PIP5K1C: variants seen among roughly 807,000 people sequenced by gnomAD.
PIP5K1C encodes the protein phosphatidylinositol 4-phosphate 5-kinase type-1 gamma.
PIP5K1C carries 45 observed loss-of-function variants against 80.1 expected under a neutral mutation model. The ratio of observed to expected loss-of-function variants is 0.56; its 90% CI spans 0.44 to 0.72. The LOEUF is 0.72. Among genes scored for constraint, PIP5K1C ranks in the 30% least tolerant of loss-of-function variants. The pLI, the probability that PIP5K1C is intolerant of heterozygous loss-of-function variation, is 0.00. For missense variants in PIP5K1C, 753 were observed against 954.6 expected (o/e 0.79, Z 2.78); for synonymous variants, 498 against 420.1 (o/e 1.19, Z -2.27).
At chr19:3,651,798 C>T (rs564499727) in intron 8 of PIP5K1C, 28 bp downstream of exon 8, 49 of 1,600,274 alleles carry the variant, frequency 3.1e-5, no homozygotes, top group African/African-American at 1.5e-4. Flanking sequence ...GGAAGCGGGA[C>T]GGGTCCGGCG....
intron 16 of PIP5K1C, among the ~76,000 whole-genome samples, chr19:3,635,560 C>G (rs2033647833): frequency 6.6e-6 from 1 of 152,310 alleles, no homozygotes; most frequent in South Asian, 2.1e-4. Flanking sequence ...TGGCAGGAGC[C>G]TGTAATCCCA....
At chr19:3,642,827 G>A in intron 14 of PIP5K1C, 80 bp downstream of exon 14, 1 of 1,139,768 alleles carries the variant, frequency 8.8e-7, no homozygotes, top group Non-Finnish European at 1.3e-6. Flanking sequence ...GAGCAGAGGG[G>A]CTGGGGGGCG....
chr19:3,651,737 G>C, intron 8 of PIP5K1C, 89 bp downstream of exon 8: 1 of 1,319,372 alleles, frequency 7.6e-7, no homozygotes, highest in Admixed American at 1.7e-5. Flanking sequence ...AGCCCTCCCT[G>C]CCTGTTTTCA....
chr19:3,687,458 C>G (rs1419822711), intron 1 of PIP5K1C, among the ~76,000 whole-genome samples: 1 of 152,112 alleles, frequency 6.6e-6, no homozygotes, highest in African/African-American at 2.4e-5. Flanking sequence ...GTGCAGGGAG[C>G]GGTGAGGGCC....
chr19:3,632,812 G>T lies in PIP5K1C; in HGVS notation c.*355C>A. On this transcript the variant is annotated 3_prime_UTR_variant, in exon 18 of 18. Transcript: ENST00000335312. ...GGCAGGCACAGCAGAGAACCAAAGA[G>T]TGCAGTGGGCAGGGGCTCTTCTCCC... is the stretch of plus-strand genomic sequence containing the variant. The T allele has an allele frequency of 3.4e-6, 1 of 296,310 alleles. No homozygotes were observed. The allele number at this position is 296,310 out of a possible 1,614,324, so 18.4% of individuals were successfully genotyped here. A position where few individuals can be genotyped will look rare whatever the true frequency, so the allele number is the denominator to read the frequency against.
At chr19:3,678,985 G>GGGAGGGAT (rs1256286070) in intron 1 of PIP5K1C, among the ~76,000 whole-genome samples, 9 of 145,424 alleles carry the variant, frequency 6.2e-5, no homozygotes, top group African/African-American at 1.8e-4. Flanking sequence ...GCAAGATGGA[G>GGGAGGGAT]GGAGGGATGG....
intron 1 of PIP5K1C, among the ~76,000 whole-genome samples, chr19:3,698,612 G>A (rs1386290287): frequency 1.3e-5 from 2 of 152,164 alleles, no homozygotes; most frequent in African/African-American, 4.8e-5. Context: ...GGCATGGAGT[G>A]GGCAGAAGCC....
At chr19:3,634,586 C>T (rs2033596523) in intron 16 of PIP5K1C, among the ~76,000 whole-genome samples, 1 of 152,244 alleles carries the variant, frequency 6.6e-6, no homozygotes, top group Non-Finnish European at 1.5e-5. Flanking sequence ...AGACCCACTG[C>T]TCGTCCTTCC....
Position 3,646,074 on chromosome 19 carries a change from G to T in PIP5K1C, c.1261-16C>A. 5 of 1,582,022 alleles carry T rather than the reference G, an allele frequency of 3.2e-6. No individual in the cohort carries two copies. Among genetic ancestry groups the T allele is most frequent in the South Asian group, 1.1e-5 (1 of 90,498 alleles). On this transcript the variant is annotated splice_polypyrimidine_tract_variant and intron_variant, in intron 10 of 17. Coordinates refer to ENST00000335312, the MANE Select transcript of PIP5K1C (RefSeq NM_012398.3). ...ACACCGTGTCCTGGAAGAGAGTTGG[G>T]GGGGGTGCCCGGGGGCAGAGGGTGC... is the stretch of plus-strand genomic sequence containing the variant.
At chr19:3,695,913 G>A (rs1021762797) in intron 1 of PIP5K1C, among the ~76,000 whole-genome samples, 2 of 151,812 alleles carry the variant, frequency 1.3e-5, no homozygotes, top group Non-Finnish European at 2.9e-5. Flanking sequence ...TTTTTTAGTA[G>A]AGACAGGGGT....
intron 8 of PIP5K1C, 122 bp downstream of exon 8, chr19:3,651,704 T>C (rs1298252043): frequency 8.1e-6 from 8 of 982,808 alleles, no homozygotes; most frequent in African/African-American, 1.6e-5. Flanking sequence ...AGACTCTGTC[T>C]GTCACCCACG....
chr19:3,687,311 G>C (rs569699451), intron 1 of PIP5K1C, among the ~76,000 whole-genome samples: 1 of 152,164 alleles, frequency 6.6e-6, no homozygotes, highest in Non-Finnish European at 1.5e-5. Context: ...GCAGTGAGCC[G>C]AGACTGCGCC....
intron 13 of PIP5K1C, 93 bp downstream of exon 13, chr19:3,643,150 T>C (rs950701930): frequency 2.8e-5 from 44 of 1,583,182 alleles, no homozygotes; most frequent in Non-Finnish European, 1.1e-5. Flanking sequence ...TCCACCCACA[T>C]GCACAGCGGA....
intron 5 of PIP5K1C, among the ~76,000 whole-genome samples, chr19:3,657,736 G>A (rs1218191239): frequency 1.3e-5 from 2 of 151,068 alleles, no homozygotes; most frequent in Non-Finnish European, 2.9e-5. Context: ...GACCAGCCTG[G>A]GCAACAGAGC....
intron 3 of PIP5K1C, 132 bp from the exon 4 acceptor site, chr19:3,662,133 G>T: frequency 1.8e-6 from 2 of 1,141,102 alleles, no homozygotes; most frequent in Non-Finnish European, 2.5e-6. Flanking sequence ...CCCTCCTGGT[G>T]GTCCCCGGGG....
chr19:3,648,530 GGGCGCCCACCTGTGGGGCTGCAGACCC>G lies in PIP5K1C; in HGVS notation c.1211+68_1211+94del. ...CGCCCACCTGTGGGGCTGCAGACCC[GGGCGCCCACCTGTGGGGCTGCAGACCC>G]GGGCGCCCACCTGTGGGACTGCAGA... On this transcript the variant is annotated intron_variant, in intron 9 of 17. Coordinates refer to ENST00000335312, the MANE Select transcript of PIP5K1C (RefSeq NM_012398.3). This position sits in a 1 kb window ranked among gnomAD's most constrained non-coding sequence, Gnocchi z 4.3. The G allele has an allele frequency of 2.1e-5, 8 of 373,418 alleles. No individual in the cohort carries two copies. The highest frequency in any genetic ancestry group is 1.9e-4 in the South Asian group (7 of 36,914). The allele number at this position is 373,418 out of a possible 1,614,324, so 23.1% of individuals were successfully genotyped here.
At chr19:3,687,607 GCA>G (rs1168182113) in intron 1 of PIP5K1C, among the ~76,000 whole-genome samples, 1 of 150,990 alleles carries the variant, frequency 6.6e-6, no homozygotes, top group Non-Finnish European at 1.5e-5. Context: ...ATGCATACAC[GCA>G]CACACACGCA....
At chr19:3,675,107 C>T (rs1356298385) in intron 1 of PIP5K1C, among the ~76,000 whole-genome samples, 2 of 152,168 alleles carry the variant, frequency 1.3e-5, no homozygotes, top group Non-Finnish European at 2.9e-5. Context: ...TGGAGAGTGA[C>T]AGCCGCCAGG....
chr19:3,652,205 G>A (rs1437937523), intron 7 of PIP5K1C, among the ~76,000 whole-genome samples, 174 bp from the exon 8 acceptor site: 1 of 152,222 alleles, frequency 6.6e-6, no homozygotes, highest in African/African-American at 2.4e-5. Context: ...GGAACAGAGG[G>A]GCTGCGGTCA....
Sources: allele counts gnomAD v4.1 joint callset (sites outside exome capture counted in the v4.1 genomes callset), GRCh38; gene constraint gnomAD v4.1.1; non-coding constraint Gnocchi (gnomAD v3.1); transcripts MANE v1.5; gene names NCBI Gene and HGNC (gene_info 2026-07-23, HGNC 2026-07-21).